SCARB1: variants seen among roughly 807,000 people sequenced by gnomAD.
The protein encoded by SCARB1 is scavenger receptor class B member 1, also known as CD36 and LIMPII analogous 1.
SCARB1 carries 30 observed loss-of-function variants against 57.2 expected under a neutral mutation model. That is an observed-to-expected ratio of 0.52 (90% CI 0.39 to 0.71). The LOEUF is 0.71. Ranked by LOEUF, SCARB1 falls within the 30% of genes least tolerant of loss-of-function variation. SCARB1 has a pLI of 0.00. For synonymous variants in SCARB1, 249 were observed against 268.3 expected (o/e 0.93, Z 0.70); for missense variants, 543 against 671.2 (o/e 0.81, Z 2.11).
At chr12:124,835,061 C>T (rs1951580314) in intron 1 of SCARB1, among the ~76,000 whole-genome samples, 1 of 152,146 alleles carries the variant, frequency 6.6e-6, no homozygotes, top group Non-Finnish European at 1.5e-5. Flanking sequence ...AGCCCTCCAG[C>T]GTCCAGACTC....
At position 124,789,676 on chromosome 12, in the gene SCARB1, AC is replaced by A. The variant is rs1949652095; in HGVS notation, c.1203-2220del. Among the ~76,000 whole-genome samples, 1 of 152,260 alleles carries A rather than the reference AC, an allele frequency of 6.6e-6. No individual in the cohort carries two copies. Among genetic ancestry groups the A allele is most frequent in the South Asian group, 2.1e-4 (1 of 4,832 alleles). On this transcript the variant is annotated intron_variant, in intron 9 of 12. Coordinates refer to ENST00000261693, the MANE Select transcript of SCARB1 (RefSeq NM_005505.5). This position sits in a 1 kb window ranked among gnomAD's most constrained non-coding sequence, Gnocchi z 4.4. ...AGGCAAGAGAAAGAAAAACGAAAAA[AC>A]AAAAACAAATTTTAAAACCCTAAAA... is the stretch of plus-strand genomic sequence containing the variant.
At chr12:124,847,308 T>C (rs1213910776) in intron 1 of SCARB1, among the ~76,000 whole-genome samples, 3 of 152,128 alleles carry the variant, frequency 2.0e-5, no homozygotes, top group African/African-American at 7.2e-5. Context: ...TGCCAAGGGA[T>C]CCTGGCTGCA....
intron 1 of SCARB1, among the ~76,000 whole-genome samples, chr12:124,856,128 G>A (rs549434312): frequency 1.3e-5 from 2 of 152,244 alleles, no homozygotes; most frequent in East Asian, 1.9e-4. Context: ...GCTGGGCCTG[G>A]CCCCAGAAAG....
Position 124,782,685 on chromosome 12 carries a change from A to G in SCARB1, c.1528T>C (p.Ter510GlnextTer40). The change falls in exon 12 of 13, where the codon TAG (stop) becomes CAG (glutamine). Residue 510 changes from the stop codon to glutamine (Q), a stop_lost and splice_region_variant. Coordinates refer to ENST00000261693, the MANE Select transcript of SCARB1 (RefSeq NM_005505.5). ...KGSVLQEAKL* is the reference protein window; with the variant it reads ...KGSVLQEAKLQ The stretch of plus-strand genomic sequence containing the variant: ...GCACGGCATTACCTGGTACCCACCT[A>G]CAGTTTTGCTTCCTGCAGCACAGAG... The G allele has an allele frequency of 6.2e-7, 1 of 1,614,002 alleles. No individual in the cohort carries two copies. Among genetic ancestry groups the G allele is most frequent in the Non-Finnish European group, 8.5e-7 (1 of 1,179,938 alleles).
intron 1 of SCARB1, among the ~76,000 whole-genome samples, chr12:124,841,842 G>A (rs928751811): frequency 1.3e-5 from 2 of 151,980 alleles, no homozygotes; most frequent in Non-Finnish European, 1.5e-5. Context: ...AGCTCTTCTC[G>A]CCACCCCACC....
chr12:124,829,016 G>A (rs190406225), intron 1 of SCARB1, among the ~76,000 whole-genome samples: 1 of 152,184 alleles, frequency 6.6e-6, no homozygotes, highest in East Asian at 1.9e-4. Context: ...GAACAACTAC[G>A]ACACAGGCTA....
rs566064308 is a variant in SCARB1, at chr12:124,812,756, C to T, written c.631-791G>A. Among the ~76,000 whole-genome samples, 82 of 152,284 alleles carry T rather than the reference C, an allele frequency of 5.4e-4. No individual in the cohort carries two copies. The highest frequency in any genetic ancestry group is 1.1e-3 in the Non-Finnish European group (74 of 68,034). Reference sequence around the variant, plus strand: ...GCTCCAAGGTTGCCCGGCTGAGTGACTGCACCCATCACAGACCTCCAGAGC... The same window carrying T: ...GCTCCAAGGTTGCCCGGCTGAGTGATTGCACCCATCACAGACCTCCAGAGC... On this transcript the variant is annotated intron_variant, in intron 4 of 12. Transcript: ENST00000261693. This position sits in a 1 kb window ranked among gnomAD's most constrained non-coding sequence, Gnocchi z 4.3.
In SCARB1 at chr12:124,795,269, C is replaced by T; in HGVS notation, c.1129-1G>A. 1 of 1,613,674 alleles carries T rather than the reference C, an allele frequency of 6.2e-7. No homozygotes were observed. The highest frequency in any genetic ancestry group is 8.5e-7 in the Non-Finnish European group (1 of 1,179,628). Reference sequence around the variant, plus strand: ...AGCAGTTCATGGGGATTCCCGTGACCTGCGGCAACAAACACAGTGAGGAGA... The same window carrying T: ...AGCAGTTCATGGGGATTCCCGTGACTTGCGGCAACAAACACAGTGAGGAGA... On this transcript the variant is annotated splice_acceptor_variant, in intron 8 of 12. Coordinates refer to ENST00000261693, the MANE Select transcript of SCARB1 (RefSeq NM_005505.5). LOFTEE classifies it high-confidence loss of function.
At chr12:124,784,076 G>A (rs934172662) in intron 11 of SCARB1, 8 of 152,346 alleles carry the variant, frequency 5.3e-5, no homozygotes, top group African/African-American at 1.9e-4. Context: ...AGGAGACAGA[G>A]GGATGAGGCT....
chr12:124,815,006 G>A lies in SCARB1; in HGVS notation c.393C>T (p.Ser131=), dbSNP rs1289932801. The A allele has an allele frequency of 9.9e-6, 16 of 1,614,096 alleles. No individual in the cohort carries two copies. Among genetic ancestry groups the A allele is most frequent in the African/African-American group, 5.3e-5 (4 of 74,948 alleles). The change falls in exon 3 of 13, where the codon AGC becomes AGT. Residue 131 remains serine, a synonymous_variant. Transcript: ENST00000261693. The part of the protein sequence containing the change: ...FQPSKSHGSE[S]DYIVMPNILV... ...GGATGTTGGGCATGACGATGTAGTC[G>A]CTCTCCGAGCCGTGGGACTTGGAGG...
At chr12:124,834,982 C>T (rs1321062513) in intron 1 of SCARB1, among the ~76,000 whole-genome samples, 1 of 152,162 alleles carries the variant, frequency 6.6e-6, no homozygotes, top group African/African-American at 2.4e-5. Context: ...AAGCAGATTC[C>T]CAGGCTCCAT....
In SCARB1 at chr12:124,810,241, C is replaced by G; in HGVS notation, c.775G>C (p.Gly259Arg). 6.2e-7 allele frequency: 1 copy of G among 1,614,190 alleles called. No homozygotes were observed. The highest frequency in any genetic ancestry group is 8.5e-7 in the Non-Finnish European group (1 of 1,180,018). Residue 259 changes from glycine to arginine, a missense_variant, in exon 6 of 13, where the codon GGG (glycine) becomes CGG (arginine). By Grantham distance (125) the Gly-to-Arg change is moderately radical. Coordinates refer to ENST00000261693, the MANE Select transcript of SCARB1 (RefSeq NM_005505.5). This position sits in a 1 kb window ranked among gnomAD's most constrained non-coding sequence, Gnocchi z 4.0. ...GTCATGAAGGGCGGCCACATTTGCCCAGAAGTTCCATTGATCATGTTGCAC... is the reference window on the plus strand; with the variant it reads ...GTCATGAAGGGCGGCCACATTTGCCGAGAAGTTCCATTGATCATGTTGCAC... Reference protein sequence around the residue: ...DQCNMINGTSGQMWPPFMTPE... With the variant: ...DQCNMINGTSRQMWPPFMTPE...
intron 12 of SCARB1, among the ~76,000 whole-genome samples, chr12:124,782,056 C>A (rs1222598873): frequency 6.6e-6 from 1 of 152,114 alleles, no homozygotes; most frequent in Non-Finnish European, 1.5e-5. Context: ...CAAGCGTGTG[C>A]CACCACACCC....
intron 9 of SCARB1, among the ~76,000 whole-genome samples, chr12:124,788,330 G>A (rs1208874867): frequency 1.3e-5 from 2 of 152,200 alleles, no homozygotes; most frequent in African/African-American, 4.8e-5. Context: ...TACTCAGGAT[G>A]GCAATGCACC....
chr12:124,811,859 T>C lies in SCARB1; in HGVS notation c.726+11A>G. 1.2e-6 allele frequency: 2 copies of C among 1,602,406 alleles called. No homozygotes were observed. The highest frequency in any genetic ancestry group is 1.7e-6 in the Non-Finnish European group (2 of 1,172,896). On this transcript the variant is annotated intron_variant, in intron 5 of 12. Coordinates refer to ENST00000261693, the MANE Select transcript of SCARB1 (RefSeq NM_005505.5). ...CCCTGGCGACAGGGGCCCTCGCCTC[T>C]CGCCCCTCACCTTGCTCAGCCCGTT...
chr12:124,833,936 C>T (rs1306300771), intron 1 of SCARB1, among the ~76,000 whole-genome samples: 1 of 152,252 alleles, frequency 6.6e-6, no homozygotes, highest in Non-Finnish European at 1.5e-5. Flanking sequence ...AGCAGCTCAG[C>T]GGGGGCACTT....
At position 124,789,771 on chromosome 12, in the gene SCARB1, G is replaced by A. The variant is rs1949655905; in HGVS notation, c.1203-2314C>T. Among the ~76,000 whole-genome samples, 1 of 152,232 alleles carries A rather than the reference G, an allele frequency of 6.6e-6. No individual in the cohort carries two copies. The highest frequency in any genetic ancestry group is 2.4e-5 in the African/African-American group (1 of 41,456). On this transcript the variant is annotated intron_variant, in intron 9 of 12. Transcript: ENST00000261693. This position sits in a 1 kb window ranked among gnomAD's most constrained non-coding sequence, Gnocchi z 4.4. ...CTCACGCCTGTAATCCCAGCACTTTGGGAGGCCGAGGCAGGTGGATCACAA... is the reference window on the plus strand; with the variant it reads ...CTCACGCCTGTAATCCCAGCACTTTAGGAGGCCGAGGCAGGTGGATCACAA...
chr12:124,783,669 A>C (rs1005989435), intron 11 of SCARB1: 3 of 146,834 alleles, frequency 2.0e-5, no homozygotes, highest in Non-Finnish European at 4.4e-5. Flanking sequence ...CGGGAGGCTG[A>C]GGCTGAGGCT....
At chr12:124,837,501 A>AAGGAAGGAAGGT (rs1443604426) in intron 1 of SCARB1, among the ~76,000 whole-genome samples, 2 of 129,248 alleles carry the variant, frequency 1.5e-5, no homozygotes, top group African/African-American at 6.1e-5. Flanking sequence ...GGAAGGAAGG[A>AAGGAAGGAAGGT]AGGGAGAAAA....
Sources: gnomAD v4.1 joint callset for allele counts (sites outside exome capture counted in the v4.1 genomes callset) on GRCh38, gnomAD v4.1.1 for gene constraint, Gnocchi (gnomAD v3.1) non-coding constraint, MANE v1.5 for transcripts, NCBI Gene and HGNC (gene_info 2026-07-23, HGNC 2026-07-21) for gene names.